GREB1: variants seen among roughly 807,000 people sequenced by gnomAD.
GREB1 encodes the protein protein GREB1.
Under a neutral mutation model 200.7 loss-of-function variants are expected in GREB1, and 106 were observed. That is an observed-to-expected ratio of 0.53 (90% confidence interval 0.45 to 0.62). The LOEUF (loss-of-function observed/expected upper bound fraction) is 0.62. GREB1 is among the 20% of genes least tolerant of loss of function. GREB1 has a pLI of 0.00. For missense variants in GREB1, 2,243 were observed against 2,556.8 expected, an observed-to-expected ratio of 0.88 and a Z score of 2.65; for synonymous variants, 1,132 against 1,092.4, an observed-to-expected ratio of 1.04 and a Z score of -0.72.
chr2:11,596,116 G>T lies in GREB1; in HGVS notation c.1831G>T (p.Asp611Tyr). ...AFFSTLCPEGDIDILLDKFHQ... is the reference protein window; with the variant it reads ...AFFSTLCPEGYIDILLDKFHQ... ...GTTTATTCTGTCTTGGGCAGAGGGTGACATTGACATTTTGCTGGACAAATT... is the reference window on the plus strand; with the variant it reads ...GTTTATTCTGTCTTGGGCAGAGGGTTACATTGACATTTTGCTGGACAAATT... The change falls in exon 13 of 33, where the codon GAC becomes TAC. Residue 611 changes from aspartate (D) to tyrosine (Y), a missense_variant. Asp to Tyr is a radical substitution (Grantham distance 160). This residue lies in a region of GREB1 where 1,178 missense variants were observed against 1,387.4 expected (regional missense o/e 0.85). Transcript: ENST00000381486. 6.2e-7 allele frequency: 1 copy of T among 1,613,292 alleles called. No individual in the cohort carries two copies. The highest frequency in any genetic ancestry group is 1.1e-5 in the South Asian group (1 of 90,912).
intron 24 of GREB1, among the ~76,000 whole-genome samples, chr2:11,626,127 G>C (rs1017394987): frequency 6.6e-6 from 1 of 151,996 alleles, no homozygotes; most frequent in Non-Finnish European, 1.5e-5. Context: ...GGTAGATTTG[G>C]GTGGGGACAC....
intron 24 of GREB1, among the ~76,000 whole-genome samples, 171 bp from the exon 25 acceptor site, chr2:11,626,791 C>T (rs1325930871): frequency 6.6e-6 from 1 of 152,188 alleles, no homozygotes; most frequent in African/African-American, 2.4e-5. Flanking sequence ...TTCGTTGTCT[C>T]CTTTGACCAG....
chr2:11,585,771 G>A lies in GREB1; in HGVS notation c.1025G>A (p.Gly342Asp). Residue 342 changes from glycine to aspartate, a missense_variant, in exon 9 of 33, where the codon GGC becomes GAC. Physicochemically the swap from Gly to Asp is moderately conservative, Grantham distance 94. Coordinates refer to ENST00000381486, the MANE Select transcript of GREB1 (RefSeq NM_014668.4). ...TCTTGGGTGTTCCTAGAGAGCGCAG[G>A]CATGTCCTGCGTGCCGCAGGTTGGC... ...GGNRAKYESA[G>D]MSCVPQVGLV... 6.2e-7 allele frequency: 1 copy of A among 1,613,078 alleles called. No homozygotes were observed. Among genetic ancestry groups the A allele is most frequent in the South Asian group, 1.1e-5 (1 of 91,034 alleles).
upstream of GREB1, among the ~76,000 whole-genome samples, chr2:11,529,357 A>G (rs1673988318): frequency 1.3e-5 from 2 of 152,260 alleles, no homozygotes; most frequent in Admixed American, 6.5e-5. Context: ...GAGATGCTCA[A>G]CTTCACTAGT....
intron 10 of GREB1, chr2:11,591,605 C>A: frequency 1.6e-6 from 1 of 613,836 alleles, no homozygotes; most frequent in Non-Finnish European, 3.0e-6. Flanking sequence ...TCCGATGCAC[C>A]GTTCGCGTGG....
At chr2:11,622,424 A>G (rs33969665) in intron 23 of GREB1, among the ~76,000 whole-genome samples, 44,939 of 152,078 alleles carry the variant, frequency 0.3, 7,091 homozygotes, top group South Asian at 0.41. Flanking sequence ...CTGCCTTCCT[A>G]TGGACATGCA....
At chr2:11,624,276 G>A (rs776212699) in intron 23 of GREB1, among the ~76,000 whole-genome samples, 2 of 151,424 alleles carry the variant, frequency 1.3e-5, no homozygotes, top group Non-Finnish European at 2.9e-5. Context: ...CCGGTACAGT[G>A]CACTGTTTTA....
intron 1 of GREB1, among the ~76,000 whole-genome samples, chr2:11,536,008 C>T (rs1031180082): frequency 2.0e-5 from 3 of 152,112 alleles, no homozygotes; most frequent in African/African-American, 4.8e-5. Flanking sequence ...TGGCCAAGGG[C>T]GTACATCTGC....
chr2:11,570,940 C>G (rs1000900475), intron 4 of GREB1, among the ~76,000 whole-genome samples: 1 of 152,116 alleles, frequency 6.6e-6, no homozygotes, highest in African/African-American at 2.4e-5. Context: ...CCTGTCTCAC[C>G]TGGAATCCTG....
Position 11,548,929 on chromosome 2 carries a change from G to A in GREB1, c.-161-7525G>A, listed in dbSNP as rs1675550896. 6.6e-6 allele frequency among the ~76,000 whole-genome samples: 1 copy of A among 152,034 alleles called. No homozygotes were observed. The highest frequency in any genetic ancestry group is 2.1e-4 in the South Asian group (1 of 4,818). ...AAAATTTTCCCTTAAAATTTTCCGG[G>A]CATTATTTCATTATTTCCAATGTCC... On this transcript the variant is annotated intron_variant, in intron 1 of 32. Transcript: ENST00000381486. The surrounding 1 kb of genome is among the most constrained non-coding windows in gnomAD (Gnocchi z 5.1).
chr2:11,620,293 C>A (rs116716710), intron 22 of GREB1, among the ~76,000 whole-genome samples: 1,714 of 152,238 alleles, frequency 0.011, 30 homozygotes, highest in African/African-American at 0.039. Context: ...GCTGTTTATA[C>A]AGTGGTACAG....
intron 11 of GREB1, among the ~76,000 whole-genome samples, chr2:11,594,764 C>A (rs1681053581): frequency 6.6e-6 from 1 of 152,126 alleles, no homozygotes; most frequent in Non-Finnish European, 1.5e-5. Flanking sequence ...ACTTTGTAGG[C>A]TCACTGCAAG....
chr2:11,632,596 C>G (rs983187686), intron 27 of GREB1, among the ~76,000 whole-genome samples: 1 of 152,194 alleles, frequency 6.6e-6, no homozygotes, highest in African/African-American at 2.4e-5. Context: ...CCTCGGCCCC[C>G]CAAACTGCTG....
rs1030216892 is a variant in GREB1, at chr2:11,637,724, TAAC to T, written c.5356_5358del (p.Asn1786del). The T allele has an allele frequency of 1.6e-5, 26 of 1,613,026 alleles. No homozygotes were observed. Among genetic ancestry groups the T allele is most frequent in the Non-Finnish European group, 2.1e-5 (25 of 1,180,012 alleles). On this transcript the variant is annotated inframe_deletion, in exon 31 of 33. Transcript: ENST00000381486. ...CCCCCCTTCCCGTGCAGGTGTCTGATAACTCTGCCGCGGTCGTGCCGGCCCAGT... is the reference window on the plus strand; with the variant it reads ...CCCCCCTTCCCGTGCAGGTGTCTGATTCTGCCGCGGTCGTGCCGGCCCAGT...
chr2:11,612,626 A>T lies in GREB1; in HGVS notation c.3122+16A>T. The T allele has an allele frequency of 4.6e-6, 7 of 1,516,094 alleles. No individual in the cohort carries two copies. The highest frequency in any genetic ancestry group is 1.7e-5 in the Admixed American group (1 of 59,874). 93.9% of individuals were successfully genotyped at this position (1,516,094 alleles called of 1,614,324 possible). On this transcript the variant is annotated intron_variant, in intron 19 of 32. Transcript: ENST00000381486. Reference sequence around the variant, plus strand: ...CCTTGCCGAGGTGAGTGGAGGGGTTATGCCCCTGGGGGTCTCTGAGGAGCT... The same window carrying T: ...CCTTGCCGAGGTGAGTGGAGGGGTTTTGCCCCTGGGGGTCTCTGAGGAGCT...
At chr2:11,527,689 G>A (rs1040111804) in intron 1 of GREB1, among the ~76,000 whole-genome samples, 8 of 152,144 alleles carry the variant, frequency 5.3e-5, no homozygotes, top group Non-Finnish European at 1.0e-4. Flanking sequence ...CACTGCCTAG[G>A]CTCCATAGAT....
intron 9 of GREB1, chr2:11,587,406 T>C: frequency 1.2e-6 from 2 of 1,613,278 alleles, no homozygotes; most frequent in East Asian, 2.2e-5. Context: ...GCTACCCAAA[T>C]GGTAGCCCTT....
chr2:11,544,577 G>A (rs943713168), intron 1 of GREB1, among the ~76,000 whole-genome samples: 17 of 152,116 alleles, frequency 1.1e-4, no homozygotes, highest in African/African-American at 4.1e-4. Context: ...TCTATTCTAA[G>A]GAGGGAAGAG....
In GREB1 at chr2:11,641,688, A is replaced by C. The variant is rs575004501; in HGVS notation, c.*1234A>C. Reference sequence around the variant, plus strand: ...TTTTTAGTAGAGACGGGGTTTCACCATGTTAGCCAGGATGGTCTCGATCTC... The same window carrying C: ...TTTTTAGTAGAGACGGGGTTTCACCCTGTTAGCCAGGATGGTCTCGATCTC... On this transcript the variant is annotated 3_prime_UTR_variant, in exon 33 of 33. Transcript: ENST00000381486. 2 of 151,864 alleles carry C rather than the reference A, an allele frequency of 1.3e-5. No homozygotes were observed. Among genetic ancestry groups the C allele is most frequent in the African/African-American group, 4.8e-5 (2 of 41,310 alleles). The allele number at this position is 151,864 out of a possible 1,614,324, so 9.4% of individuals were successfully genotyped here.
Sources: gnomAD v4.1 joint callset for allele counts (sites outside exome capture counted in the v4.1 genomes callset) on GRCh38, gnomAD v4.1.1 for gene constraint, gnomAD v4.1.1 regional missense constraint, Gnocchi (gnomAD v3.1) non-coding constraint, MANE v1.5 for transcripts, NCBI Gene and HGNC (gene_info 2026-07-23, HGNC 2026-07-21) for gene names.